The following GOPC variants were observed in gnomAD, a reference collection of about 807,000 sequenced individuals.
The protein encoded by GOPC is golgi associated PDZ and coiled-coil motif containing.
Under a neutral mutation model 51.2 loss-of-function variants are expected in GOPC, and 32 were observed. That is an observed-to-expected ratio of 0.63 (90% confidence interval 0.47 to 0.84). GOPC has a LOEUF of 0.84. GOPC is among the 40% of genes least tolerant of loss of function. The pLI is 0.00. For missense variants in GOPC, 441 were observed against 555.5 expected, an observed-to-expected ratio of 0.79 and a Z score of 2.07; for synonymous variants, 190 against 205.1, an observed-to-expected ratio of 0.93 and a Z score of 0.63.
intron 1 of GOPC, among the ~76,000 whole-genome samples, chr6:117,597,551 A>G (rs1050788666): frequency 2.9e-4 from 44 of 152,216 alleles, no homozygotes; most frequent in Non-Finnish European, 7.3e-5. Context: ...GGCTCATGAC[A>G]GCAAAAACTC....
chr6:117,595,867 G>C (rs183176690), intron 1 of GOPC, among the ~76,000 whole-genome samples: 162 of 152,200 alleles, frequency 1.1e-3, no homozygotes, highest in African/African-American at 3.8e-3. Context: ...AAACATGTTT[G>C]CAAGTATCTT....
chr6:117,563,716 T>C (rs1012703530), intron 8 of GOPC, among the ~76,000 whole-genome samples: 13 of 151,196 alleles, frequency 8.6e-5, no homozygotes, highest in African/African-American at 3.2e-4. Flanking sequence ...AGTGAAACTC[T>C]GTCTCGATTA....
At chr6:117,570,825 C>G (rs746452251) in intron 6 of GOPC, 35 bp downstream of exon 6, 24 of 958,466 alleles carry the variant, frequency 2.5e-5, no homozygotes, top group Non-Finnish European at 3.5e-5. Flanking sequence ...TACTAGATAA[C>G]TGTAGAAAAT....
At chr6:117,582,272 CT>C (rs1422734166) in intron 1 of GOPC, among the ~76,000 whole-genome samples, 1 of 66,064 alleles carries the variant, frequency 1.5e-5, no homozygotes, top group Non-Finnish European at 2.8e-5. Context: ...GCCTCCCCCC[CT>C]ACACACACAC....
intron 8 of GOPC, among the ~76,000 whole-genome samples, chr6:117,564,666 T>A (rs1280255116): frequency 6.6e-6 from 1 of 152,178 alleles, no homozygotes; most frequent in African/African-American, 2.4e-5. Context: ...ACATTTTAAG[T>A]GTCTGCAATT....
rs115140736 is a variant in GOPC at position 117,563,278 on chromosome 6, A to T, written c.1365T>A (p.Thr455=). The T allele has an allele frequency of 3.7e-5, 59 of 1,613,140 alleles. No individual in the cohort carries two copies. In the East Asian group the frequency reaches 1.1e-3, roughly 31 times the overall value. ...TTTAATAAGATTTTTTATGATACAG[A>T]GTGTGCAGATCATCTAATTTTGAAG... The part of the protein sequence containing the change: ...DGASKLDDLH[T]LYHKKSY The change falls in exon 9 of 9, where the codon ACT becomes ACA. Residue 455 remains threonine, a synonymous_variant. Coordinates refer to ENST00000368498, the MANE Select transcript of GOPC (RefSeq NM_020399.4).
Position 117,602,195 on chromosome 6 carries a change from G to A in GOPC, c.94C>T (p.Arg32Trp), listed in dbSNP as rs766381289. 2.5e-6 allele frequency: 4 copies of A among 1,611,512 alleles called. No individual in the cohort carries two copies. Among genetic ancestry groups the A allele is most frequent in the South Asian group, 2.2e-5 (2 of 91,080 alleles). Residue 32 changes from arginine to tryptophan, a missense_variant, in exon 1 of 9, where the codon CGG becomes TGG. Physicochemically the swap from Arg to Trp is moderately radical, Grantham distance 101. Coordinates refer to ENST00000368498, the MANE Select transcript of GOPC (RefSeq NM_020399.4). ...VGAPGGVSMF[R>W]WLEVLEKEFD... The stretch of plus-strand genomic sequence containing the variant: ...TCCTTCTCCAGCACCTCCAGCCACC[G>A]GAACATGGATACCCCGCCAGGGGCC...
intron 1 of GOPC, among the ~76,000 whole-genome samples, chr6:117,592,623 A>C (rs1287635794): frequency 6.6e-6 from 1 of 152,004 alleles, no homozygotes; most frequent in Non-Finnish European, 1.5e-5. Flanking sequence ...TCTGTCTCCT[A>C]TCAGCACACT....
chr6:117,596,060 ATTTTT>A (rs142750818), intron 1 of GOPC, among the ~76,000 whole-genome samples: 1 of 150,906 alleles, frequency 6.6e-6, no homozygotes, highest in Non-Finnish European at 1.5e-5. Context: ...GCCAACATCT[ATTTTT>A]TTTTATTTTT....
At chr6:117,575,398 T>C (rs1444974607) in intron 3 of GOPC, 46 bp from the exon 4 acceptor site, 2 of 1,361,794 alleles carry the variant, frequency 1.5e-6, no homozygotes, top group African/African-American at 2.9e-5. Flanking sequence ...ATAAAAACTC[T>C]TTAGCACTAG....
At chr6:117,581,093 A>G (rs1779950554) in intron 1 of GOPC, among the ~76,000 whole-genome samples, 1 of 152,218 alleles carries the variant, frequency 6.6e-6, no homozygotes, top group East Asian at 1.9e-4. Flanking sequence ...GATATAATCA[A>G]CAGGAAATAT....
chr6:117,563,470 C>T, intron 8 of GOPC, 86 bp from the exon 9 acceptor site: 6 of 1,354,882 alleles, frequency 4.4e-6, no homozygotes, highest in Non-Finnish European at 6.2e-6. Flanking sequence ...ACCTGTAATC[C>T]CAGCACTTTG....
chr6:117,574,905 C>T (rs1418866578), intron 4 of GOPC, among the ~76,000 whole-genome samples: 1 of 151,950 alleles, frequency 6.6e-6, no homozygotes, highest in African/African-American at 2.4e-5. Flanking sequence ...ATGGTGAAAC[C>T]CCATCTCTAC....
At chr6:117,570,001 C>T (rs1405800859) in intron 6 of GOPC, 2 of 270,978 alleles carry the variant, frequency 7.4e-6, no homozygotes, top group East Asian at 1.3e-4. Flanking sequence ...GTCTAAATCA[C>T]TACGAATGAC....
intron 3 of GOPC, 137 bp from the exon 4 acceptor site, chr6:117,575,489 T>C: frequency 1.3e-6 from 1 of 797,542 alleles, no homozygotes; most frequent in Non-Finnish European, 2.2e-6. Flanking sequence ...GATCTGGATG[T>C]AGTTCTTTTG....
chr6:117,593,431 A>T (rs1481736930), intron 1 of GOPC, among the ~76,000 whole-genome samples: 1 of 152,060 alleles, frequency 6.6e-6, no homozygotes, highest in Non-Finnish European at 1.5e-5. Context: ...ATTTGTTTTT[A>T]TTTAAAAACA....
At chr6:117,569,351 G>C (rs1392760312) in intron 7 of GOPC, among the ~76,000 whole-genome samples, 2 of 152,146 alleles carry the variant, frequency 1.3e-5, no homozygotes, top group Non-Finnish European at 2.9e-5. Flanking sequence ...GAGGGACAGA[G>C]GACTTAAGTA....
intron 1 of GOPC, among the ~76,000 whole-genome samples, chr6:117,585,811 G>A (rs755898204): frequency 4.6e-5 from 7 of 152,164 alleles, no homozygotes; most frequent in Non-Finnish European, 1.0e-4. Flanking sequence ...ACACAGGTAT[G>A]AATACACAGA....
chr6:117,560,509 C>CCTT lies in GOPC; in HGVS notation c.*2742_*2744dup, dbSNP rs1220849204. The CCTT allele has an allele frequency of 5.1e-6, 1 of 194,486 alleles. No homozygotes were observed. Among genetic ancestry groups the CCTT allele is most frequent in the African/African-American group, 2.3e-5 (1 of 43,082 alleles). 12.0% of individuals were successfully genotyped at this position (194,486 alleles called of 1,614,324 possible). A position where few individuals can be genotyped will look rare whatever the true frequency, so the allele number is the denominator to read the frequency against. ...CATCTTACACATGAATCACATGAAA[C>CCTT]CTTTTTGTTTCTAAACATGAAAACA... On this transcript the variant is annotated 3_prime_UTR_variant, in exon 9 of 9. Transcript: ENST00000368498.
Sources: gnomAD v4.1 joint callset for allele counts (sites outside exome capture counted in the v4.1 genomes callset) on GRCh38, gnomAD v4.1.1 for gene constraint, MANE v1.5 for transcripts, NCBI Gene and HGNC (gene_info 2026-07-23, HGNC 2026-07-21) for gene names.